Variants in MTAP observed in about 807,000 individuals in gnomAD.
The protein encoded by MTAP is S-methyl-5'-thioadenosine phosphorylase.
A neutral mutation model predicts 33.6 loss-of-function variants in MTAP; 33 were observed. The ratio of observed to expected loss-of-function variants is 0.98; its 90% CI spans 0.74 to 1.31. The LOEUF (loss-of-function observed/expected upper bound fraction) is 1.31. Among genes scored for constraint, MTAP ranks in the 40% most tolerant of loss-of-function variants. The probability of loss-of-function intolerance (pLI) is 0.00; values close to 1 mark genes in which losing one functional copy is unlikely to be tolerated. For synonymous variants in MTAP, 148 were observed against 125.7 expected, an observed-to-expected ratio of 1.18 and a Z score of -1.19; for missense variants, 367 against 360.0, an observed-to-expected ratio of 1.02 and a Z score of -0.16.
intron 1 of MTAP, among the ~76,000 whole-genome samples, chr9:21,806,054 G>T (rs1824200431): frequency 6.6e-6 from 1 of 152,162 alleles, no homozygotes; most frequent in South Asian, 2.1e-4. Flanking sequence ...CCGCGATCAA[G>T]AATTTTGATT....
chr9:21,859,324 A>C lies in MTAP; in HGVS notation c.712A>C (p.Lys238Gln). Residue 238 changes from lysine (K) to glutamine (Q), a missense_variant, in exon 7 of 8, where the codon AAG becomes CAG. Lys to Gln is a moderately conservative substitution (Grantham distance 53). Transcript: ENST00000644715. The part of the protein sequence containing the change: ...EEAVSVDRVL[K>Q]TLKENANKAK... ...CTAGGTTTCGGTGGACCGGGTCTTA[A>C]AGACCCTGAAAGAAAACGCTAATAA... 6.2e-7 allele frequency: 1 copy of C among 1,613,180 alleles called. No individual in the cohort carries two copies. The highest frequency in any genetic ancestry group is 8.5e-7 in the Non-Finnish European group (1 of 1,179,598).
intron 6 of MTAP, among the ~76,000 whole-genome samples, chr9:21,857,132 T>C (rs1265636363): frequency 6.6e-6 from 1 of 152,106 alleles, no homozygotes; most frequent in Non-Finnish European, 1.5e-5. Flanking sequence ...AGAGGGTTTA[T>C]TTTGGGAAGG....
intron 5 of MTAP, 71 bp from the exon 6 acceptor site, chr9:21,854,560 T>C (rs956288565): frequency 5.3e-5 from 78 of 1,460,118 alleles, no homozygotes; most frequent in African/African-American, 2.3e-4. Context: ...TTGGTAAACA[T>C]TGGGGGGAAG....
rs372518982 is a variant in MTAP, at chr9:21,825,068, C to A, written c.347+6866C>A. Among the ~76,000 whole-genome samples the A allele has an allele frequency of 1.1e-3, 170 of 152,240 alleles. 4 individuals are homozygous for A. The South Asian group carries it at 0.035, about 31-fold the overall frequency. ...GCTTCCTAGGTGAGGCGATGCCTCACCCTGCTTTGGCTCACACTCGATGGG... is the reference window on the plus strand; with the variant it reads ...GCTTCCTAGGTGAGGCGATGCCTCAACCTGCTTTGGCTCACACTCGATGGG... On this transcript the variant is annotated intron_variant, in intron 4 of 7. Coordinates refer to ENST00000644715, the MANE Select transcript of MTAP (RefSeq NM_002451.4).
At chr9:21,871,746 T>C (rs912808587), downstream of MTAP, among the ~76,000 whole-genome samples, 2 of 152,156 alleles carry the variant, frequency 1.3e-5, no homozygotes, top group African/African-American at 2.4e-5. Flanking sequence ...ATATTTCCTG[T>C]TTTGTACTCC....
intron 4 of MTAP, among the ~76,000 whole-genome samples, chr9:21,829,145 T>C (rs1236958101): frequency 1.3e-5 from 2 of 152,218 alleles, no homozygotes; most frequent in African/African-American, 4.8e-5. Context: ...CACTTGCTGA[T>C]GGCATCAGAT....
At chr9:21,832,263 A>G (rs960067774) in intron 4 of MTAP, among the ~76,000 whole-genome samples, 7 of 152,188 alleles carry the variant, frequency 4.6e-5, no homozygotes, top group African/African-American at 1.4e-4. Flanking sequence ...GGCTTCCCCT[A>G]GAACTTTATG....
chr9:21,883,292 A>G (rs1389871216), intron 1 of MTAP, among the ~76,000 whole-genome samples: 1 of 152,154 alleles, frequency 6.6e-6, no homozygotes, highest in South Asian at 2.1e-4. Flanking sequence ...CAACCTTCTT[A>G]GTGATAAGAG....
intron 1 of MTAP, chr9:21,929,589 A>T (rs1818922857): frequency 1.1e-5 from 4 of 368,660 alleles, no homozygotes; most frequent in Admixed American, 7.3e-5. Flanking sequence ...AATGCTGGTT[A>T]TGTACTAGCT....
chr9:21,834,406 G>T (rs774689872), intron 4 of MTAP, among the ~76,000 whole-genome samples: 2 of 152,112 alleles, frequency 1.3e-5, no homozygotes, highest in Non-Finnish European at 2.9e-5. Flanking sequence ...CTAGCTAGAG[G>T]GCTTTAAAGG....
intron 1 of MTAP, among the ~76,000 whole-genome samples, chr9:21,872,907 CCTCT>C: frequency 6.6e-6 from 1 of 152,242 alleles, no homozygotes; most frequent in Non-Finnish European, 1.5e-5. Context: ...GGTATCTGGT[CCTCT>C]CTAACAGTTC....
In MTAP at chr9:21,931,159, G is replaced by T. The variant is rs747297979; in HGVS notation, c.299G>T (p.Cys100Phe). ...TCTCCCTTAGACCTGGCTGGATACT[G>T]CTTCCAACAACCCATGCAGCCACCC... Residue 100 changes from cysteine to phenylalanine, a missense_variant, in exon 2 of 2, where the codon TGC becomes TTC. Coordinates refer to the MTAP transcript ENST00000577563. 12 of 751,984 alleles carry T rather than the reference G, an allele frequency of 1.6e-5. No individual in the cohort carries two copies. The South Asian group carries it at 1.7e-4, about 10-fold the overall frequency. The allele number at this position is 751,984 out of a possible 1,614,324, so 46.6% of individuals were successfully genotyped here.
At chr9:21,811,741 A>G (rs2117974890) in intron 1 of MTAP, 1 of 531,534 alleles carries the variant, frequency 1.9e-6, no homozygotes, top group Non-Finnish European at 3.8e-6. Context: ...ATTCCATCTC[A>G]TCCATGCCCT....
intron 1 of MTAP, among the ~76,000 whole-genome samples, chr9:21,915,018 T>TC (rs1191009896): frequency 4.0e-4 from 39 of 97,368 alleles, no homozygotes; most frequent in Admixed American, 6.9e-4. Context: ...CTTCCTTCCT[T>TC]CCTTCCTTCC....
chr9:21,885,611 T>C (rs1489299186), intron 1 of MTAP, among the ~76,000 whole-genome samples: 2 of 152,138 alleles, frequency 1.3e-5, no homozygotes, highest in Middle Eastern at 3.2e-3. Context: ...AAATTCATTA[T>C]ATCATTCTTG....
In MTAP at chr9:21,930,388, T is replaced by C. The variant is rs56118667; in HGVS notation, c.148-620T>C. The stretch of plus-strand genomic sequence containing the variant: ...AATCAGTTTACCAATGCCTCCTCAT[T>C]AAATGGACTGGAACTTGTACCATAG... On this transcript the variant is annotated intron_variant, in intron 1 of 1. Coordinates refer to the MTAP transcript ENST00000577563. 3.5e-3 allele frequency: 723 copies of C among 204,294 alleles called. 2 individuals are homozygous for C. Among genetic ancestry groups the C allele is most frequent in the African/African-American group, 0.015 (641 of 42,678 alleles). 12.7% of individuals were successfully genotyped at this position (204,294 alleles called of 1,614,324 possible). A position where few individuals can be genotyped will look rare whatever the true frequency, so the allele number is the denominator to read the frequency against.
At chr9:21,889,178 T>C (rs1029922424) in intron 1 of MTAP, among the ~76,000 whole-genome samples, 1 of 151,798 alleles carries the variant, frequency 6.6e-6, no homozygotes. Context: ...TTTTTAAAAA[T>C]TTTTTTTTCT....
At position 21,837,902 on chromosome 9, in the gene MTAP, T is replaced by A; in HGVS notation, c.348-6T>A. ...AAACAAAAACCTTTTTTGCTTTATTTTGTAGGACCACTATGAGACCTCAGT... is the reference window on the plus strand; with the variant it reads ...AAACAAAAACCTTTTTTGCTTTATTATGTAGGACCACTATGAGACCTCAGT... On this transcript the variant is annotated splice_polypyrimidine_tract_variant and splice_region_variant and intron_variant, in intron 4 of 7. Transcript: ENST00000644715. 2 of 1,611,490 alleles carry A rather than the reference T, an allele frequency of 1.2e-6. No homozygotes were observed. The highest frequency in any genetic ancestry group is 1.7e-6 in the Non-Finnish European group (2 of 1,178,526).
chr9:21,933,905 T>C (rs1167731789), downstream of MTAP: 2 of 152,250 alleles, frequency 1.3e-5, no homozygotes, highest in Non-Finnish European at 2.9e-5. Context: ...ACAAATTAAG[T>C]ATTTTTTAAA....
Sources: allele counts gnomAD v4.1 joint callset (sites outside exome capture counted in the v4.1 genomes callset), GRCh38; gene constraint gnomAD v4.1.1; transcripts MANE v1.5; gene names NCBI Gene and HGNC (gene_info 2026-07-23, HGNC 2026-07-21).